The following CFAP74 variants were observed in gnomAD, a reference collection of about 807,000 sequenced individuals.
CFAP74 encodes the protein cilia- and flagella-associated protein 74.
A neutral mutation model predicts 188.9 loss-of-function variants in CFAP74; 124 were observed. That is an observed-to-expected ratio of 0.66 (90% CI 0.57 to 0.76). CFAP74 has a LOEUF of 0.76. Among genes scored for constraint, CFAP74 ranks in the 30% least tolerant of loss-of-function variants. The probability of loss-of-function intolerance (pLI) is 0.00; values close to 1 mark genes in which losing one functional copy is unlikely to be tolerated. For synonymous variants in CFAP74, 956 were observed against 916.7 expected (o/e 1.04, Z -0.77); for missense variants, 2,198 against 2,165.2 (o/e 1.02, Z -0.30).
chr1:1,944,520 T>C lies in CFAP74; in HGVS notation c.2365-68A>G, dbSNP rs141828146. ...CACAGCAGGCATTGTTGGTGAGCAC[T>C]GACACAGCTCCCAGGAGGAACGTTT... is the stretch of plus-strand genomic sequence containing the variant. On this transcript the variant is annotated intron_variant, in intron 20 of 38. Coordinates refer to ENST00000682832, the MANE Select transcript of CFAP74 (RefSeq NM_001304360.2). 1.4e-3 allele frequency: 2,099 copies of C among 1,496,122 alleles called. 23 individuals are homozygous for C. In the African/African-American group the frequency reaches 0.026, roughly 18 times the overall value. 92.7% of individuals were successfully genotyped at this position (1,496,122 alleles called of 1,614,324 possible).
At position 1,922,340 on chromosome 1, in the gene CFAP74, C is replaced by T. The variant is rs1422465196; in HGVS notation, c.4867G>A (p.Val1623Met). 6.2e-7 allele frequency: 1 copy of T among 1,604,992 alleles called. No individual in the cohort carries two copies. The highest frequency in any genetic ancestry group is 8.5e-7 in the Non-Finnish European group (1 of 1,177,484). The part of the protein sequence containing the change: ...VSALLQLRGD[V>M]KETYKVIFVA... ...AAGATGACCTTGTAGGTCTCCTTCACATCCCCCCTTAGCTGCAGCAGGGCC... is the reference window on the plus strand; with the variant it reads ...AAGATGACCTTGTAGGTCTCCTTCATATCCCCCCTTAGCTGCAGCAGGGCC... The change falls in exon 39 of 39, where the codon GTG becomes ATG. Residue 1623 changes from valine (V) to methionine (M), a missense_variant. Transcript: ENST00000682832.
chr1:1,957,750 G>A (rs975495391), intron 16 of CFAP74, among the ~76,000 whole-genome samples: 9 of 149,342 alleles, frequency 6.0e-5, no homozygotes, highest in African/African-American at 1.3e-4. Flanking sequence ...GGAGGGAGCC[G>A]GAGCCTGGCT....
At chr1:1,938,308 C>T (rs1428139572) in intron 25 of CFAP74, among the ~76,000 whole-genome samples, 1 of 146,522 alleles carries the variant, frequency 6.8e-6, no homozygotes, top group African/African-American at 2.5e-5. Flanking sequence ...TACACACCCA[C>T]ATACATGCAC....
chr1:1,988,631 A>C lies in CFAP74; in HGVS notation c.177T>G (p.Asp59Glu). The C allele has an allele frequency of 6.2e-7, 1 of 1,610,598 alleles. No homozygotes were observed. The highest frequency in any genetic ancestry group is 8.5e-7 in the Non-Finnish European group (1 of 1,179,996). Reference protein sequence around the residue: ...HSSSVKELDTDADKLKKKTAE... With the variant: ...HSSSVKELDTEADKLKKKTAE... The stretch of plus-strand genomic sequence containing the variant: ...CTGTTTTCTTCTTCAATTTATCAGC[A>C]TCAGTATCTAGTTCTTTCACTGAGC... Residue 59 changes from aspartate to glutamate, a missense_variant, in exon 4 of 39, where the codon GAT becomes GAG. Transcript: ENST00000682832.
chr1:1,946,283 G>T, intron 20 of CFAP74, 34 bp downstream of exon 20: 2 of 1,515,158 alleles, frequency 1.3e-6, no homozygotes, highest in African/African-American at 1.4e-5. Flanking sequence ...CAGGGGCCAG[G>T]GTGTGTGCGT....
intron 12 of CFAP74, 22 bp downstream of exon 12, chr1:1,966,349 C>G (rs756690737): frequency 6.7e-7 from 1 of 1,487,240 alleles, no homozygotes; most frequent in Non-Finnish European, 9.0e-7. Flanking sequence ...CTGCAAGCGT[C>G]TAAAGGAGCA....
rs562749098 is a variant in CFAP74, at chr1:1,966,556, A to G, written c.1246-30T>C. On this transcript the variant is annotated intron_variant, in intron 11 of 38. Transcript: ENST00000682832. ...AGTCGGGGAGAGGAACATCGCAAAG[A>G]CACGCTCATGACAGAGAACAGGGAA... 67 of 1,493,184 alleles carry G rather than the reference A, an allele frequency of 4.5e-5. 1 individual carries two copies. In the South Asian group the frequency reaches 5.2e-4, roughly 12 times the overall value. 92.5% of individuals were successfully genotyped at this position (1,493,184 alleles called of 1,614,324 possible).
intron 33 of CFAP74, among the ~76,000 whole-genome samples, chr1:1,925,233 T>C (rs2092921): frequency 0.42 from 56,668 of 133,908 alleles, 13,594 homozygotes; most frequent in Admixed American, 0.56. Context: ...CACACGCTGG[T>C]GTGAAGGCAT....
At chr1:1,965,206 C>T in intron 12 of CFAP74, 145 bp from the exon 13 acceptor site, 2 of 775,062 alleles carry the variant, frequency 2.6e-6, no homozygotes, top group Non-Finnish European at 4.0e-6. Flanking sequence ...CTGGGAAGAG[C>T]CCCATGGCCC....
rs1282567447 is a variant in CFAP74, at chr1:2,003,729, G to C, written c.-48C>G. On this transcript the variant is annotated 5_prime_UTR_variant, in exon 1 of 39. Coordinates refer to ENST00000682832, the MANE Select transcript of CFAP74 (RefSeq NM_001304360.2). ...TGGCTGGCCTGGGTCCCAGGTTCTC[G>C]GGCTCCGGAGGCACAGACACCCCGG... is the stretch of plus-strand genomic sequence containing the variant. 6.6e-6 allele frequency: 1 copy of C among 152,424 alleles called. No homozygotes were observed. Among genetic ancestry groups the C allele is most frequent in the Non-Finnish European group, 1.5e-5 (1 of 68,208 alleles). The allele number at this position is 152,424 out of a possible 1,614,324, so 9.4% of individuals were successfully genotyped here.
chr1:1,992,753 C>A (rs548954068), intron 1 of CFAP74, among the ~76,000 whole-genome samples: 2 of 151,862 alleles, frequency 1.3e-5, no homozygotes, highest in African/African-American at 2.4e-5. Flanking sequence ...GGATTACAGG[C>A]GTGAGCCACC....
intron 25 of CFAP74, among the ~76,000 whole-genome samples, chr1:1,935,022 G>C (rs1288190047): frequency 1.3e-5 from 1 of 77,646 alleles, no homozygotes; most frequent in African/African-American, 4.8e-5. Context: ...TGTTGCTGTG[G>C]GTACACACGT....
At position 1,990,991 on chromosome 1, in the gene CFAP74, G is replaced by A. The variant is rs367585876; in HGVS notation, c.-19-16C>T. Reference sequence around the variant, plus strand: ...TAGAAATTAGCTGCAAAAGATGATCGCAAAATATAGATCAATAAAATCATA... The same window carrying A: ...TAGAAATTAGCTGCAAAAGATGATCACAAAATATAGATCAATAAAATCATA... On this transcript the variant is annotated splice_polypyrimidine_tract_variant and intron_variant, in intron 1 of 38. Coordinates refer to ENST00000682832, the MANE Select transcript of CFAP74 (RefSeq NM_001304360.2). 2.4e-4 allele frequency: 352 copies of A among 1,480,488 alleles called. No homozygotes were observed. Among genetic ancestry groups the A allele is most frequent in the Non-Finnish European group, 3.1e-4 (331 of 1,072,280 alleles). 91.7% of individuals were successfully genotyped at this position (1,480,488 alleles called of 1,614,324 possible).
intron 20 of CFAP74, among the ~76,000 whole-genome samples, chr1:1,945,543 TGG>T (rs1323274049): frequency 1.3e-5 from 2 of 152,074 alleles, no homozygotes; most frequent in East Asian, 3.9e-4. Context: ...AGTTGTCACT[TGG>T]GGCTGGGCAC....
chr1:1,971,181 ACG>A (rs1299550781), intron 9 of CFAP74, among the ~76,000 whole-genome samples: 4 of 151,258 alleles, frequency 2.6e-5, no homozygotes, highest in South Asian at 2.1e-4. Context: ...ACCTGCACAC[ACG>A]TGCACAGACG....
chr1:1,971,343 GCA>G (rs201517368), intron 9 of CFAP74, among the ~76,000 whole-genome samples: 5 of 146,510 alleles, frequency 3.4e-5, no homozygotes, highest in Non-Finnish European at 6.0e-5. Flanking sequence ...GCACACACGT[GCA>G]CACACATGCA....
Position 1,923,436 on chromosome 1 carries a change from C to T in CFAP74, c.4453G>A (p.Gly1485Ser), listed in dbSNP as rs551573047. The T allele has an allele frequency of 1.4e-5, 22 of 1,607,184 alleles. No homozygotes were observed. The highest frequency in any genetic ancestry group is 4.5e-5 in the South Asian group (4 of 89,774). ...TCCACGGGCACGTCCAGGGGGTCGC[C>T]GCCCTCCACGAACATCATGTGCTGA... is the stretch of plus-strand genomic sequence containing the variant. ...ACQHMMFVEG[G>S]DPLDVPVESL... The change falls in exon 36 of 39, where the codon GGC (glycine) becomes AGC (serine). Residue 1485 changes from glycine (G) to serine (S), a missense_variant. By Grantham distance (56) the Gly-to-Ser change is moderately conservative (BLOSUM62 0). Transcript: ENST00000682832. This position sits in a 1 kb window ranked among gnomAD's most constrained non-coding sequence, Gnocchi z 6.3.
intron 29 of CFAP74, 23 bp from the exon 30 acceptor site, chr1:1,926,784 A>AG: frequency 1.3e-6 from 2 of 1,546,642 alleles, no homozygotes; most frequent in Non-Finnish European, 1.7e-6. Context: ...GGGCATGCTG[A>AG]GGGCAGGGTG....
intron 23 of CFAP74, 58 bp downstream of exon 23, chr1:1,940,258 G>T: frequency 1.5e-6 from 2 of 1,373,926 alleles, no homozygotes; most frequent in Non-Finnish European, 2.0e-6. Context: ...TGGCCTCCCA[G>T]GAAAGCCCCT....
Sources: gnomAD v4.1 joint callset for allele counts (sites outside exome capture counted in the v4.1 genomes callset) on GRCh38, gnomAD v4.1.1 for gene constraint, Gnocchi (gnomAD v3.1) non-coding constraint, MANE v1.5 for transcripts, NCBI Gene and HGNC (gene_info 2026-07-23, HGNC 2026-07-21) for gene names.